ZNRF1: variants seen among roughly 807,000 people sequenced by gnomAD.
ZNRF1 encodes the protein zinc and ring finger 1.
Under a neutral mutation model 18.4 loss-of-function variants are expected in ZNRF1, and 3 were observed. That is an observed-to-expected ratio of 0.16 (90% confidence interval 0.07 to 0.42). The LOEUF (loss-of-function observed/expected upper bound fraction) is 0.42. ZNRF1 is among the 10% of genes least tolerant of loss of function. The pLI, the probability that ZNRF1 is intolerant of heterozygous loss-of-function variation, is 0.99. For synonymous variants in ZNRF1, 157 were observed against 144.2 expected, an observed-to-expected ratio of 1.09 and a Z score of -0.64; for missense variants, 310 against 329.8, an observed-to-expected ratio of 0.94 and a Z score of 0.47.
At chr16:75,101,876 C>T (rs550558826) in intron 2 of ZNRF1, among the ~76,000 whole-genome samples, 169 of 152,324 alleles carry the variant, frequency 1.1e-3, no homozygotes, top group African/African-American at 3.9e-3. Flanking sequence ...GGGGATCACA[C>T]CCATGTGTTC....
intron 1 of ZNRF1, among the ~76,000 whole-genome samples, chr16:75,042,760 G>C (rs946916103): frequency 6.6e-6 from 1 of 152,086 alleles, no homozygotes; most frequent in Non-Finnish European, 1.5e-5. Flanking sequence ...TCAGCCTGTT[G>C]ATTTCTGCAG....
At chr16:75,106,815 A>G in intron 4 of ZNRF1, 1 of 456,038 alleles carries the variant, frequency 2.2e-6, no homozygotes, top group East Asian at 4.3e-5. Context: ...TCAGTTGGGG[A>G]AGAGACCAGT....
chr16:75,005,057 A>C (rs2034901190), intron 1 of ZNRF1, among the ~76,000 whole-genome samples: 1 of 152,176 alleles, frequency 6.6e-6, no homozygotes, highest in Admixed American at 6.5e-5. Context: ...CCTTGGAGTG[A>C]ATCAGAAAGC....
chr16:75,079,515 G>A (rs1481060288), intron 1 of ZNRF1, among the ~76,000 whole-genome samples: 2 of 151,962 alleles, frequency 1.3e-5, no homozygotes, highest in African/African-American at 2.4e-5. Flanking sequence ...TGACCCATCG[G>A]TCAGGCCCTC....
At chr16:75,065,873 CAA>C (rs2035797020) in intron 1 of ZNRF1, among the ~76,000 whole-genome samples, 1 of 152,164 alleles carries the variant, frequency 6.6e-6, no homozygotes, top group South Asian at 2.1e-4. Context: ...ACCTTAGAGA[CAA>C]GAGGACTGTT....
intron 1 of ZNRF1, among the ~76,000 whole-genome samples, chr16:75,063,295 C>A (rs2035764996): frequency 6.6e-6 from 1 of 152,174 alleles, no homozygotes; most frequent in Non-Finnish European, 1.5e-5. Context: ...GCAGGGAGTG[C>A]CTTCAGGGAG....
intron 3 of ZNRF1, chr16:75,106,126 C>G: frequency 1.4e-5 from 3 of 217,058 alleles, no homozygotes; most frequent in South Asian, 1.6e-4. Context: ...AGACAGCTGA[C>G]TAGCTGCCCT....
intron 1 of ZNRF1, among the ~76,000 whole-genome samples, chr16:75,051,551 T>C (rs2035605917): frequency 6.6e-6 from 1 of 151,220 alleles, no homozygotes. Flanking sequence ...GGAGTCTTGC[T>C]GTGTCTCCCA....
intron 1 of ZNRF1, among the ~76,000 whole-genome samples, chr16:75,037,387 C>T (rs1377683188): frequency 1.3e-5 from 2 of 152,140 alleles, no homozygotes; most frequent in Non-Finnish European, 2.9e-5. Context: ...CTCCCTCTGT[C>T]ACCCAGGATG....
chr16:75,035,476 A>G (rs531488336), intron 1 of ZNRF1, among the ~76,000 whole-genome samples: 7 of 152,318 alleles, frequency 4.6e-5, no homozygotes, highest in Admixed American at 1.3e-4. Flanking sequence ...AGCAACCTCA[A>G]TTCTTGGCTC....
At chr16:75,043,816 T>A (rs2035480978) in intron 1 of ZNRF1, among the ~76,000 whole-genome samples, 1 of 148,866 alleles carries the variant, frequency 6.7e-6, no homozygotes, top group Admixed American at 6.7e-5. Flanking sequence ...TGAGACAGAG[T>A]TTTGTTCTTG....
intron 1 of ZNRF1, among the ~76,000 whole-genome samples, chr16:75,086,771 T>A (rs1223700514): frequency 6.6e-6 from 1 of 152,194 alleles, no homozygotes. Flanking sequence ...GGGCACGCGC[T>A]CTCTGAGCTC....
At chr16:75,088,689 T>C (rs1203386004) in intron 1 of ZNRF1, among the ~76,000 whole-genome samples, 1 of 152,202 alleles carries the variant, frequency 6.6e-6, no homozygotes, top group Non-Finnish European at 1.5e-5. Context: ...ATGCGAATCT[T>C]GATCAGGTTA....
chr16:75,090,555 C>T (rs2036125075), intron 1 of ZNRF1, among the ~76,000 whole-genome samples: 1 of 152,046 alleles, frequency 6.6e-6, no homozygotes, highest in African/African-American at 2.4e-5. Context: ...TTTATAACCA[C>T]CCAGAGGTTA....
intron 1 of ZNRF1, among the ~76,000 whole-genome samples, chr16:75,084,923 A>G (rs2036056429): frequency 6.6e-6 from 1 of 152,238 alleles, no homozygotes; most frequent in African/African-American, 2.4e-5. Flanking sequence ...TAACTTATGC[A>G]TCTTTGTTTC....
chr16:75,041,527 C>T (rs2035446769), intron 1 of ZNRF1, among the ~76,000 whole-genome samples: 1 of 150,638 alleles, frequency 6.6e-6, no homozygotes, highest in Admixed American at 6.6e-5. Context: ...GATGGGGTTT[C>T]ACCATGTTGG....
At chr16:75,023,932 G>A (rs566274499) in intron 1 of ZNRF1, among the ~76,000 whole-genome samples, 3 of 150,372 alleles carry the variant, frequency 2.0e-5, no homozygotes, top group African/African-American at 4.9e-5. Flanking sequence ...GTGCAGTGGT[G>A]TGATCTCGGC....
intron 1 of ZNRF1, among the ~76,000 whole-genome samples, chr16:75,053,414 C>A (rs924177794): frequency 6.6e-6 from 1 of 151,948 alleles, no homozygotes; most frequent in Non-Finnish European, 1.5e-5. Flanking sequence ...CATGGTGAAA[C>A]CCTGTCTCTA....
chr16:75,014,807 G>T (rs186522769), intron 1 of ZNRF1, among the ~76,000 whole-genome samples: 4 of 152,050 alleles, frequency 2.6e-5, no homozygotes, highest in African/African-American at 7.2e-5. Flanking sequence ...ATTTGATATT[G>T]TCATACCTTA....
Sources: allele counts gnomAD v4.1 joint callset (sites outside exome capture counted in the v4.1 genomes callset), GRCh38; gene constraint gnomAD v4.1.1; transcripts MANE v1.5; gene names NCBI Gene and HGNC (gene_info 2026-07-23, HGNC 2026-07-21).